PTK2: variants seen among roughly 807,000 people sequenced by gnomAD.
PTK2 encodes protein tyrosine kinase 2.
Under a neutral mutation model 150.1 loss-of-function variants are expected in PTK2, and 45 were observed. That is an observed-to-expected ratio of 0.30 (90% CI 0.24 to 0.38). The LOEUF is 0.38. Ranked by LOEUF, PTK2 falls within the 10% of genes least tolerant of loss-of-function variation. PTK2 has a pLI of 1.00. For missense variants in PTK2, 919 were observed against 1,307.3 expected, an observed-to-expected ratio of 0.70 and a Z score of 4.58; for synonymous variants, 432 against 449.2, an observed-to-expected ratio of 0.96 and a Z score of 0.48.
intron 14 of PTK2, among the ~76,000 whole-genome samples, chr8:140,765,789 T>C (rs2100071947): frequency 6.6e-6 from 1 of 152,122 alleles, no homozygotes; most frequent in African/African-American, 2.4e-5. Flanking sequence ...AAAGAAAATT[T>C]GGGGACGGAA....
At chr8:140,740,237 T>C (rs1164762351) in intron 20 of PTK2, among the ~76,000 whole-genome samples, 2 of 152,316 alleles carry the variant, frequency 1.3e-5, no homozygotes, top group East Asian at 3.9e-4. Context: ...TATACTCAAA[T>C]TTGGTACAAG....
At chr8:140,670,670 C>T (rs574960740) in intron 29 of PTK2, among the ~76,000 whole-genome samples, 1 of 151,922 alleles carries the variant, frequency 6.6e-6, no homozygotes, top group Admixed American at 6.6e-5. Flanking sequence ...AAAGCTCAAG[C>T]CAGGGCGCTA....
At chr8:140,957,613 G>A (rs563888913) in intron 1 of PTK2, among the ~76,000 whole-genome samples, 6 of 152,188 alleles carry the variant, frequency 3.9e-5, no homozygotes, top group South Asian at 2.1e-4. Context: ...CCAGAGCAGC[G>A]TTCAGTCCTG....
At chr8:140,676,929 G>T (rs2100014230) in intron 27 of PTK2, among the ~76,000 whole-genome samples, 1 of 129,246 alleles carries the variant, frequency 7.7e-6, no homozygotes, top group Admixed American at 8.3e-5. Context: ...CAACAACAGA[G>T]GGAGACTCCA....
At chr8:140,849,046 T>A (rs1188990039) in intron 5 of PTK2, among the ~76,000 whole-genome samples, 1 of 152,232 alleles carries the variant, frequency 6.6e-6, no homozygotes, top group Non-Finnish European at 1.5e-5. Flanking sequence ...GGGGAAATTA[T>A]AATAATCTTC....
chr8:140,953,564 T>TGAGATTTCATCAGGCTACTC (rs2100180217), intron 1 of PTK2, among the ~76,000 whole-genome samples: 1 of 152,202 alleles, frequency 6.6e-6, no homozygotes, highest in South Asian at 2.1e-4. Context: ...TCAGGGTGCA[T>TGAGATTTCATCAGGCTACTC]GAGATTTCAT....
At chr8:140,745,460 G>A (rs2100058154) in intron 18 of PTK2, among the ~76,000 whole-genome samples, 1 of 152,164 alleles carries the variant, frequency 6.6e-6, no homozygotes, top group Admixed American at 6.5e-5. Context: ...CTCTCCAAAA[G>A]CAAAAGCAGA....
intron 1 of PTK2, among the ~76,000 whole-genome samples, chr8:140,931,442 G>A (rs1569125684): frequency 6.6e-6 from 1 of 152,130 alleles, no homozygotes; most frequent in Admixed American, 6.5e-5. Flanking sequence ...GTGCCTGCCT[G>A]TAGTCCCAGC....
intron 29 of PTK2, among the ~76,000 whole-genome samples, chr8:140,671,906 T>C (rs1299707983): frequency 1.5e-5 from 2 of 132,542 alleles, no homozygotes; most frequent in African/African-American, 2.8e-5. Flanking sequence ...CACTCCAGCC[T>C]GGGCAACAGA....
chr8:140,687,086 G>C (rs1167905530), intron 26 of PTK2: 3 of 187,046 alleles, frequency 1.6e-5, no homozygotes, highest in Non-Finnish European at 3.3e-5. Context: ...TCTTGCCAAA[G>C]TAGCAAATGA....
chr8:140,901,471 A>T (rs1278796853), intron 2 of PTK2, among the ~76,000 whole-genome samples: 1 of 152,176 alleles, frequency 6.6e-6, no homozygotes, highest in African/African-American at 2.4e-5. Context: ...GACACAATTA[A>T]CAAAGTAAAA....
intron 8 of PTK2, among the ~76,000 whole-genome samples, chr8:140,825,145 A>T (rs1426927962): frequency 6.6e-6 from 1 of 152,204 alleles, no homozygotes; most frequent in Non-Finnish European, 1.5e-5. Context: ...AAATGCTTTA[A>T]ATGCAGATAC....
At chr8:140,672,571 T>C (rs2100011199) in intron 29 of PTK2, among the ~76,000 whole-genome samples, 1 of 148,436 alleles carries the variant, frequency 6.7e-6, no homozygotes, top group Non-Finnish European at 1.5e-5. Context: ...ACTTTCACTA[T>C]GGCCACAGAG....
intron 28 of PTK2, 58 bp from the exon 32 acceptor site, chr8:140,674,462 G>T: frequency 6.9e-7 from 1 of 1,448,006 alleles, no homozygotes; most frequent in Non-Finnish European, 9.5e-7. Context: ...TTAAGAGGCT[G>T]GGGGCAGTGG....
At chr8:140,954,562 T>A (rs571494676) in intron 1 of PTK2, among the ~76,000 whole-genome samples, 5 of 150,306 alleles carry the variant, frequency 3.3e-5, no homozygotes, top group Admixed American at 6.6e-5. Context: ...CAGAAAAAAA[T>A]ATATAAAGTA....
intron 31 of PTK2, among the ~76,000 whole-genome samples, chr8:140,661,385 G>C (rs1301069562): frequency 6.6e-6 from 1 of 152,194 alleles, no homozygotes; most frequent in African/African-American, 2.4e-5. Flanking sequence ...CCTGATGAGA[G>C]ATGGAAGGTG....
chr8:140,971,959 G>C (rs1305189181), intron 1 of PTK2, among the ~76,000 whole-genome samples: 1 of 152,152 alleles, frequency 6.6e-6, no homozygotes, highest in African/African-American at 2.4e-5. Flanking sequence ...CAATTATCAA[G>C]GAGAATCTAA....
At chr8:140,987,815 G>A (rs1006953111) in intron 1 of PTK2, among the ~76,000 whole-genome samples, 4 of 152,164 alleles carry the variant, frequency 2.6e-5, no homozygotes, top group African/African-American at 9.6e-5. Context: ...TGCCAAGACT[G>A]GAGGATTGCT....
intron 26 of PTK2, among the ~76,000 whole-genome samples, chr8:140,696,904 A>G (rs1259082429): frequency 3.9e-5 from 6 of 152,058 alleles, no homozygotes; most frequent in Non-Finnish European, 8.8e-5. Flanking sequence ...AGAGAAAAAT[A>G]CAATACCATC....
Sources: allele counts gnomAD v4.1 joint callset (sites outside exome capture counted in the v4.1 genomes callset), GRCh38; gene constraint gnomAD v4.1.1; transcripts MANE v1.5; gene names NCBI Gene and HGNC (gene_info 2026-07-23, HGNC 2026-07-21).